Variants in BCL9 observed in about 807,000 individuals in gnomAD.
The protein encoded by BCL9 is B-cell CLL/lymphoma 9 protein.
In BCL9, 25 loss-of-function variants were observed where a neutral mutation model predicts 88.5. The ratio of observed to expected loss-of-function variants is 0.28; its 90% CI spans 0.21 to 0.39. The LOEUF is 0.39. Ranked by LOEUF, BCL9 falls within the 10% of genes least tolerant of loss-of-function variation. The pLI is 1.00. For missense variants in BCL9, 1,817 were observed against 1,877.8 expected, an observed-to-expected ratio of 0.97 and a Z score of 0.60; for synonymous variants, 711 against 673.3, an observed-to-expected ratio of 1.06 and a Z score of -0.87.
chr1:147,563,009 T>C (rs587634631), intron 1 of BCL9, among the ~76,000 whole-genome samples: 3 of 152,322 alleles, frequency 2.0e-5, no homozygotes, highest in African/African-American at 7.2e-5. Context: ...TCAAGTGCAC[T>C]GAGTTCATTT....
chr1:147,591,019 T>C (rs1656822753), intron 1 of BCL9, among the ~76,000 whole-genome samples: 1 of 152,184 alleles, frequency 6.6e-6, no homozygotes, highest in Admixed American at 6.5e-5. Context: ...CAGTGCAGGA[T>C]AGCAGCAAGA....
Position 147,618,984 on chromosome 1 carries a change from G to A in BCL9, c.829G>A (p.Glu277Lys), listed in dbSNP as rs782247629. The part of the protein sequence containing the change: ...PAAPPRPLDR[E>K]SPGVENKLIP... ...CGCACCCCCACGTCCCCTGGACCGG[G>A]AGAGTCCTGGGGTAGAAAACAAACT... Residue 277 changes from glutamate (E) to lysine (K), a missense_variant, in exon 8 of 10, where the codon GAG becomes AAG. Physicochemically the swap from Glu to Lys is moderately conservative, Grantham distance 56 (BLOSUM62 1). This residue lies in a region of BCL9 where 1,228 missense variants were observed against 1,191.6 expected (regional missense o/e 1.03). Transcript: ENST00000234739. 1.9e-6 allele frequency: 3 copies of A among 1,612,802 alleles called. No individual in the cohort carries two copies. Among genetic ancestry groups the A allele is most frequent in the Non-Finnish European group, 2.5e-6 (3 of 1,179,338 alleles).
chr1:147,624,298 T>G lies in BCL9; in HGVS notation c.3620T>G (p.Leu1207Arg), dbSNP rs1304329565. The G allele has an allele frequency of 1.2e-6, 2 of 1,613,998 alleles. No individual in the cohort carries two copies. Among genetic ancestry groups the G allele is most frequent in the African/African-American group, 2.7e-5 (2 of 74,904 alleles). ...GGGGGTCCTGACTCCTTCACTGTCC[T>G]GGGGAACAGCATGCCTTCGGTGTTT... ...GPGGPDSFTV[L>R]GNSMPSVFTD... is the part of the protein sequence containing the mutation. The change falls in exon 10 of 10, where the codon CTG becomes CGG. Residue 1207 changes from leucine (L) to arginine (R), a missense_variant. Leu to Arg is a moderately radical substitution (Grantham distance 102). Around this residue, in one of 2 missense-constraint regions of BCL9, gnomAD observed 589 missense variants for 686.2 expected, o/e 0.86. Coordinates refer to ENST00000234739, the MANE Select transcript of BCL9 (RefSeq NM_004326.4). The surrounding 1 kb of genome is among the most constrained non-coding windows in gnomAD (Gnocchi z 4.4).
intron 3 of BCL9, among the ~76,000 whole-genome samples, chr1:147,610,259 C>T (rs1313664269): frequency 6.6e-6 from 1 of 150,874 alleles, no homozygotes; most frequent in Non-Finnish European, 1.5e-5. Flanking sequence ...AACATGCTGT[C>T]TCCTGAGGTC....
intron 7 of BCL9, 41 bp downstream of exon 7, chr1:147,615,943 A>G (rs1553203769): frequency 3.2e-6 from 5 of 1,551,098 alleles, no homozygotes; most frequent in South Asian, 1.1e-5. Context: ...TAATGATTCT[A>G]CAGTGACTGC....
At chr1:147,580,890 A>G (rs1656334601) in intron 1 of BCL9, among the ~76,000 whole-genome samples, 1 of 152,220 alleles carries the variant, frequency 6.6e-6, no homozygotes, top group South Asian at 2.1e-4. Context: ...TCTGAGAGAT[A>G]GATTTTATTA....
Position 147,625,029 on chromosome 1 carries a change from G to C in BCL9, c.*70G>C. The C allele has an allele frequency of 1.3e-6, 2 of 1,532,508 alleles. No homozygotes were observed. Among genetic ancestry groups the C allele is most frequent in the African/African-American group, 2.7e-5 (2 of 73,266 alleles). 94.9% of individuals were successfully genotyped at this position (1,532,508 alleles called of 1,614,324 possible). On this transcript the variant is annotated 3_prime_UTR_variant, in exon 10 of 10. Transcript: ENST00000234739. ...AGGTCCTGAGAGCTGCTTTGAGGGAGTTCCAGGAGTACTTACTATTGGTCA... is the reference window on the plus strand; with the variant it reads ...AGGTCCTGAGAGCTGCTTTGAGGGACTTCCAGGAGTACTTACTATTGGTCA...
intron 1 of BCL9, among the ~76,000 whole-genome samples, chr1:147,587,041 T>C (rs1553199315): frequency 6.6e-6 from 1 of 151,798 alleles, no homozygotes; most frequent in African/African-American, 2.4e-5. Flanking sequence ...TCTCTCTATA[T>C]ATGTATATAC....
rs146644895 is a variant in BCL9 at position 147,564,739 on chromosome 1, C to T, written c.-478+23065C>T. 8.0e-3 allele frequency among the ~76,000 whole-genome samples: 1,225 copies of T among 152,182 alleles called. 12 individuals are homozygous for T. Among genetic ancestry groups the T allele is most frequent in the Non-Finnish European group, 0.011 (780 of 68,008 alleles). ...TAGAAGGTCTAAAAGAATAAATGTG[C>T]TCTATTTGTGAATTGCCTAAATTAA... On this transcript the variant is annotated intron_variant, in intron 1 of 9. Transcript: ENST00000234739.
At position 147,613,089 on chromosome 1, in the gene BCL9, A is replaced by G; in HGVS notation, c.260A>G (p.Asn87Ser). ...CCAGGTGGGAGCATGGGGCTGAAGA[A>G]TGGGGCTGGAAATGGTGCCAAGGGC... ...PGPGGSMGLK[N>S]GAGNGAKGKG... Residue 87 changes from asparagine to serine, a missense_variant, in exon 5 of 10, where the codon AAT becomes AGT. Around this residue, in one of 2 missense-constraint regions of BCL9, gnomAD observed 1,228 missense variants for 1,191.6 expected, o/e 1.03. Transcript: ENST00000234739. 6.2e-7 allele frequency: 1 copy of G among 1,614,116 alleles called. No individual in the cohort carries two copies. The highest frequency in any genetic ancestry group is 8.5e-7 in the Non-Finnish European group (1 of 1,179,988).
In BCL9 at chr1:147,620,352, A is replaced by G. The variant is rs1658553430; in HGVS notation, c.2197A>G (p.Ile733Val). The G allele has an allele frequency of 6.2e-7, 1 of 1,614,098 alleles. No individual in the cohort carries two copies. The highest frequency in any genetic ancestry group is 8.5e-7 in the Non-Finnish European group (1 of 1,180,038). Residue 733 changes from isoleucine (I) to valine (V), a missense_variant, in exon 8 of 10, where the codon ATA becomes GTA. By Grantham distance (29) the Ile-to-Val change is conservative. This residue lies in a region of BCL9 where 1,228 missense variants were observed against 1,191.6 expected (regional missense o/e 1.03). Transcript: ENST00000234739. ...NVNMGSNSQM[I>V]PQKMREAGAG... ...CAACATGGGATCCAACTCTCAGATG[A>G]TACCTCAGAAGATGAGAGAGGCTGG...
chr1:147,544,645 C>T lies in BCL9; in HGVS notation c.-478+2971C>T, dbSNP rs1443719424. On this transcript the variant is annotated intron_variant, in intron 1 of 9. Transcript: ENST00000234739. ...CAGCTGCAAGAGACTCCACCATTATCACTGTCATCTTGGAATTCCAAAGAC... is the reference window on the plus strand; with the variant it reads ...CAGCTGCAAGAGACTCCACCATTATTACTGTCATCTTGGAATTCCAAAGAC... Among the ~76,000 whole-genome samples the T allele has an allele frequency of 3.9e-5, 6 of 152,206 alleles. No homozygotes were observed. In the South Asian group the frequency reaches 1.0e-3, roughly 26 times the overall value.
At chr1:147,576,478 A>G (rs587675375) in intron 1 of BCL9, among the ~76,000 whole-genome samples, 48 of 152,350 alleles carry the variant, frequency 3.2e-4, no homozygotes, top group African/African-American at 1.1e-3. Context: ...TTATAATGAG[A>G]AATTCACTAC....
rs1658549793 is a variant in BCL9, at chr1:147,620,302, T to C, written c.2147T>C (p.Met716Thr). The stretch of plus-strand genomic sequence containing the variant: ...GAGTTTGGGATGGTTCCTAGTGGGA[T>C]GAAGGGAGATGTCAATCTAAATGTC... ...ELEFGMVPSG[M>T]KGDVNLNVNM... Residue 716 changes from methionine to threonine, a missense_variant, in exon 8 of 10, where the codon ATG becomes ACG. By Grantham distance (81) the Met-to-Thr change is moderately conservative. Around this residue, in one of 2 missense-constraint regions of BCL9, gnomAD observed 1,228 missense variants for 1,191.6 expected, o/e 1.03. Coordinates refer to ENST00000234739, the MANE Select transcript of BCL9 (RefSeq NM_004326.4). The C allele has an allele frequency of 6.2e-7, 1 of 1,613,974 alleles. No homozygotes were observed. The highest frequency in any genetic ancestry group is 1.1e-5 in the South Asian group (1 of 91,090).
Position 147,615,872 on chromosome 1 carries a change from C to G in BCL9, c.630C>G (p.Asn210Lys). Reference protein sequence around the residue: ...IVSFHIQNISNNKTERSTAPL... With the variant: ...IVSFHIQNISKNKTERSTAPL... ...CTTTCCACATCCAGAACATTTCTAA[C>G]AACAAGACAGAGAGAAGCACAGCGC... Residue 210 changes from asparagine to lysine, a missense_variant, in exon 7 of 10, where the codon AAC (asparagine) becomes AAG (lysine). Around this residue, in one of 2 missense-constraint regions of BCL9, gnomAD observed 1,228 missense variants for 1,191.6 expected, o/e 1.03. Coordinates refer to ENST00000234739, the MANE Select transcript of BCL9 (RefSeq NM_004326.4). 6.2e-7 allele frequency: 1 copy of G among 1,614,060 alleles called. No individual in the cohort carries two copies. Among genetic ancestry groups the G allele is most frequent in the Non-Finnish European group, 8.5e-7 (1 of 1,179,946 alleles).
intron 1 of BCL9, among the ~76,000 whole-genome samples, chr1:147,601,075 T>G (rs1657365448): frequency 6.6e-6 from 1 of 152,056 alleles, no homozygotes; most frequent in Admixed American, 6.5e-5. Flanking sequence ...CCTGTAATAG[T>G]ATTGCTGGGG....
At chr1:147,557,374 A>T (rs1655161101) in intron 1 of BCL9, among the ~76,000 whole-genome samples, 1 of 152,234 alleles carries the variant, frequency 6.6e-6, no homozygotes. Context: ...TCCCTTACAG[A>T]TATATCCTTG....
At chr1:147,603,119 A>G (rs907116851) in intron 1 of BCL9, among the ~76,000 whole-genome samples, 3 of 152,222 alleles carry the variant, frequency 2.0e-5, no homozygotes, top group Admixed American at 2.0e-4. Flanking sequence ...CTGTAAAACT[A>G]CAGTCTTACT....
intron 1 of BCL9, among the ~76,000 whole-genome samples, chr1:147,554,941 T>C (rs1655039817): frequency 6.6e-6 from 1 of 152,190 alleles, no homozygotes; most frequent in Non-Finnish European, 1.5e-5. Flanking sequence ...TTCAATCTCC[T>C]ACTTCTTAAT....
Sources: gnomAD v4.1 joint callset for allele counts (sites outside exome capture counted in the v4.1 genomes callset) on GRCh38, gnomAD v4.1.1 for gene constraint, gnomAD v4.1.1 regional missense constraint, Gnocchi (gnomAD v3.1) non-coding constraint, MANE v1.5 for transcripts, NCBI Gene and HGNC (gene_info 2026-07-23, HGNC 2026-07-21) for gene names.